FHL1: variants seen among roughly 807,000 people sequenced by gnomAD.
The protein encoded by FHL1 is four and a half LIM domains protein 1.
In FHL1, 1 loss-of-function variant was observed where a neutral mutation model predicts 20.3. The ratio of observed to expected loss-of-function variants is 0.05; its 90% CI spans 0.02 to 0.23. The LOEUF (loss-of-function observed/expected upper bound fraction) is 0.23. FHL1 is among the 10% of genes least tolerant of loss of function. The pLI is 1.00. For synonymous variants in FHL1, 82 were observed against 88.9 expected, an observed-to-expected ratio of 0.92 and a Z score of 0.44; for missense variants, 177 against 234.0, an observed-to-expected ratio of 0.76 and a Z score of 1.59.
chrX:136,177,530 TTTAC>T (rs2073038101), intron 2 of FHL1, among the ~76,000 whole-genome samples: 1 of 112,347 alleles, frequency 8.9e-6, no homozygotes, highest in Non-Finnish European at 1.9e-5. Context: ...GCTGTAAGAA[TTTAC>T]TAATTTGTTC....
chrX:136,187,189 C>T (rs2073328383), intron 2 of FHL1, among the ~76,000 whole-genome samples: 1 of 108,529 alleles, frequency 9.2e-6, no homozygotes, highest in Admixed American at 9.8e-5. Flanking sequence ...TTTTATAAGC[C>T]CAGTATCTCC....
At chrX:136,149,665 A>G (rs2072211378) in intron 1 of FHL1, among the ~76,000 whole-genome samples, 1 of 111,828 alleles carries the variant, frequency 8.9e-6, no homozygotes, top group Admixed American at 9.5e-5. Flanking sequence ...TAGATTTTTG[A>G]GTGAAACTAA....
At chrX:136,149,188 A>C (rs4829826) in intron 1 of FHL1, among the ~76,000 whole-genome samples, 3,798 of 112,048 alleles carry the variant, frequency 0.034, 61 homozygotes, top group Middle Eastern at 0.06. Flanking sequence ...CACAAGTTTA[A>C]ATTATGGGCC....
chrX:136,153,658 A>G (rs1161580052), intron 1 of FHL1, among the ~76,000 whole-genome samples: 2 of 112,105 alleles, frequency 1.8e-5, no homozygotes, highest in Non-Finnish European at 3.8e-5. Context: ...ATTTTATTGT[A>G]GGAAAATGCA....
intron 2 of FHL1, among the ~76,000 whole-genome samples, chrX:136,189,917 T>C (rs2073393979): frequency 8.9e-6 from 1 of 112,368 alleles, no homozygotes; most frequent in Admixed American, 9.4e-5. Flanking sequence ...CAATCTCATA[T>C]AAAGTTAAGC....
intron 1 of FHL1, among the ~76,000 whole-genome samples, chrX:136,153,893 C>T (rs2072342719): frequency 1.8e-5 from 2 of 111,545 alleles, no homozygotes. Flanking sequence ...ATGGTCATAA[C>T]CCATGAAAAG....
At chrX:136,150,154 T>C (rs1403241100) in intron 1 of FHL1, among the ~76,000 whole-genome samples, 7 of 112,167 alleles carry the variant, frequency 6.2e-5, no homozygotes, top group Non-Finnish European at 1.1e-4. Context: ...TTAACAGAAG[T>C]CGGATCAAAT....
chrX:136,203,111 C>T (rs988075228), intron 1 of FHL1, among the ~76,000 whole-genome samples: 3 of 112,456 alleles, frequency 2.7e-5, no homozygotes, highest in Non-Finnish European at 3.8e-5. Context: ...AAAACAAATA[C>T]GAAAGTTCAT....
At chrX:136,209,414 A>C (rs1217419978) in intron 5 of FHL1, 1 of 1,210,753 alleles carries the variant, frequency 8.3e-7, no homozygotes, top group African/African-American at 1.7e-5. Context: ...TATAGAAAAA[A>C]TCGAAGCTTA....
chrX:136,191,255 G>T (rs1021494252), intron 2 of FHL1, among the ~76,000 whole-genome samples: 1 of 111,900 alleles, frequency 8.9e-6, no homozygotes, highest in African/African-American at 3.2e-5. Context: ...TCCACCTGTG[G>T]TTACTCCTGC....
upstream of FHL1, among the ~76,000 whole-genome samples, chrX:136,167,406 C>T (rs377020631): frequency 7.3e-5 from 8 of 109,862 alleles, no homozygotes; most frequent in East Asian, 1.4e-3. Flanking sequence ...GGGGTTTCAT[C>T]ATGTTGGCCA....
intron 1 of FHL1, among the ~76,000 whole-genome samples, chrX:136,202,268 G>T (rs2073731322): frequency 8.9e-6 from 1 of 111,956 alleles, no homozygotes; most frequent in Non-Finnish European, 1.9e-5. Context: ...AGGAGGCTAA[G>T]GTAGGAGAAT....
upstream of FHL1, among the ~76,000 whole-genome samples, chrX:136,168,492 T>C (rs777852780): frequency 8.9e-6 from 1 of 111,977 alleles, no homozygotes; most frequent in East Asian, 2.8e-4. Context: ...GAAGATACTG[T>C]CTCTACTTAA....
At chrX:136,160,605 C>T (rs375924003) in intron 1 of FHL1, among the ~76,000 whole-genome samples, 1 of 111,380 alleles carries the variant, frequency 9.0e-6, no homozygotes, top group African/African-American at 3.3e-5. Flanking sequence ...GTTTTAGTTT[C>T]GTAGAGGCAG....
chrX:136,190,072 A>T (rs1416185966), intron 2 of FHL1, among the ~76,000 whole-genome samples: 1 of 112,015 alleles, frequency 8.9e-6, no homozygotes, highest in Non-Finnish European at 1.9e-5. Flanking sequence ...TATACCAGTT[A>T]GGTACCTACT....
upstream of FHL1, among the ~76,000 whole-genome samples, chrX:136,195,069 T>G (rs1014826565): frequency 8.9e-6 from 1 of 112,444 alleles, no homozygotes; most frequent in African/African-American, 3.2e-5. Context: ...TCTCTTGTCT[T>G]TGAATTTTCT....
intron 1 of FHL1, chrX:136,206,028 G>A: frequency 3.4e-6 from 1 of 294,075 alleles, no homozygotes; most frequent in Non-Finnish European, 6.2e-6. Flanking sequence ...TGGCACAATA[G>A]CACTGCTCAG....
At chrX:136,206,021 C>T in intron 1 of FHL1, 1 of 278,259 alleles carries the variant, frequency 3.6e-6, no homozygotes, top group South Asian at 4.5e-5. Flanking sequence ...TGCTCAATGG[C>T]ACAATAGCAC....
chrX:136,207,300 T>A, intron 3 of FHL1, 110 bp downstream of exon 3: 1 of 752,486 alleles, frequency 1.3e-6, no homozygotes, highest in Non-Finnish European at 2.0e-6. Context: ...TGCTTTGAGA[T>A]CTTAGCATAT....
Sources: gnomAD v4.1 joint callset for allele counts (sites outside exome capture counted in the v4.1 genomes callset) on GRCh38, gnomAD v4.1.1 for gene constraint, MANE v1.5 for transcripts, NCBI Gene and HGNC (gene_info 2026-07-23, HGNC 2026-07-21) for gene names.